BANK1: variants seen among roughly 807,000 people sequenced by gnomAD.
BANK1 encodes the protein B-cell scaffold protein with ankyrin repeats.
A neutral mutation model predicts 94.5 loss-of-function variants in BANK1; 95 were observed. The ratio of observed to expected loss-of-function variants is 1.00; its 90% CI spans 0.85 to 1.19. The LOEUF is 1.19. Ranked by LOEUF, BANK1 falls within the 50% of genes most tolerant of loss-of-function variation. BANK1 has a pLI of 0.00. For missense variants in BANK1, 987 were observed against 932.2 expected, an observed-to-expected ratio of 1.06 and a Z score of -0.77; for synonymous variants, 334 against 308.4, an observed-to-expected ratio of 1.08 and a Z score of -0.87.
intron 5 of BANK1, among the ~76,000 whole-genome samples, chr4:101,871,554 C>T (rs760827462): frequency 7.2e-5 from 11 of 151,890 alleles, no homozygotes; most frequent in African/African-American, 2.2e-4. Context: ...ATTATATGAA[C>T]GACATATTTT....
intron 2 of BANK1, among the ~76,000 whole-genome samples, chr4:101,837,145 G>A (rs1402086621): frequency 6.6e-6 from 1 of 152,100 alleles, no homozygotes; most frequent in Non-Finnish European, 1.5e-5. Flanking sequence ...TTTTAAATTA[G>A]CAGGATTTAA....
At chr4:101,881,528 G>T (rs1396399700) in intron 5 of BANK1, among the ~76,000 whole-genome samples, 3 of 152,064 alleles carry the variant, frequency 2.0e-5, no homozygotes, top group Non-Finnish European at 2.9e-5. Context: ...GAAACTAAAA[G>T]TCAAGCCACC....
intron 2 of BANK1, among the ~76,000 whole-genome samples, chr4:101,839,940 T>A (rs866291673): frequency 0.17 from 2,011 of 11,580 alleles, 41 homozygotes; most frequent in African/African-American, 0.4. Context: ...ATATTTAATT[T>A]TTTTTTTTTT....
chr4:102,058,702 T>TA (rs202223180), intron 11 of BANK1, among the ~76,000 whole-genome samples: 9,502 of 138,600 alleles, frequency 0.069, 789 homozygotes, highest in African/African-American at 0.2. Context: ...TCTTTACTCT[T>TA]AAAAAAAAAA....
intron 2 of BANK1, among the ~76,000 whole-genome samples, chr4:101,848,499 A>G (rs940699400): frequency 6.6e-6 from 1 of 152,142 alleles, no homozygotes; most frequent in African/African-American, 2.4e-5. Context: ...AAAACACTCC[A>G]GTTTCTACAC....
intron 7 of BANK1, among the ~76,000 whole-genome samples, chr4:102,004,750 A>C (rs1446136779): frequency 2.6e-5 from 4 of 152,190 alleles, no homozygotes; most frequent in Non-Finnish European, 5.9e-5. Flanking sequence ...AGGGTCAAGT[A>C]AAAATCATGA....
intron 7 of BANK1, among the ~76,000 whole-genome samples, chr4:101,929,650 T>C (rs1026256824): frequency 2.0e-5 from 3 of 151,560 alleles, no homozygotes; most frequent in African/African-American, 7.3e-5. Context: ...TTTCTACTTA[T>C]TAAGTCAATG....
intron 2 of BANK1, among the ~76,000 whole-genome samples, chr4:101,841,628 TA>T (rs1329402608): frequency 6.6e-6 from 1 of 151,586 alleles, no homozygotes; most frequent in East Asian, 1.9e-4. Flanking sequence ...TTATTATTAT[TA>T]TTATTATTAT....
chr4:101,940,912 G>A (rs150448439), intron 7 of BANK1, among the ~76,000 whole-genome samples: 1 of 151,618 alleles, frequency 6.6e-6, no homozygotes, highest in African/African-American at 2.4e-5. Context: ...TTGGAAGGAC[G>A]TCACTAAGCA....
At chr4:101,970,484 T>A (rs895850793) in intron 7 of BANK1, among the ~76,000 whole-genome samples, 6 of 152,142 alleles carry the variant, frequency 3.9e-5, no homozygotes, top group African/African-American at 1.4e-4. Context: ...TTATTCTGTC[T>A]TTGTCCTATC....
At chr4:101,818,807 T>C (rs1401494674) in intron 1 of BANK1, among the ~76,000 whole-genome samples, 1 of 151,952 alleles carries the variant, frequency 6.6e-6, no homozygotes, top group Non-Finnish European at 1.5e-5. Context: ...CTATGCTATC[T>C]GTAGTTTCAG....
In BANK1 at chr4:102,021,608, TTA is replaced by T. The variant is rs34539828; in HGVS notation, c.1285+28_1285+29del. ...TATATTCCTTGTAAGTTTTTCCATG[TTA>T]TATATATATATGACATATTCATATA... On this transcript the variant is annotated intron_variant, in intron 8 of 16. Coordinates refer to ENST00000322953, the MANE Select transcript of BANK1 (RefSeq NM_017935.5). 520 of 957,678 alleles carry T rather than the reference TTA, an allele frequency of 5.4e-4. No individual in the cohort carries two copies. Among genetic ancestry groups the T allele is most frequent in the South Asian group, 1.2e-3 (67 of 54,210 alleles). 59.3% of individuals were successfully genotyped at this position (957,678 alleles called of 1,614,324 possible).
intron 5 of BANK1, among the ~76,000 whole-genome samples, chr4:101,884,829 T>C (rs1728791158): frequency 6.6e-6 from 1 of 152,230 alleles, no homozygotes; most frequent in Non-Finnish European, 1.5e-5. Context: ...GTCTCCTTAT[T>C]GGTCCTCCAC....
Position 101,948,611 on chromosome 4 carries a change from A to G in BANK1, c.1206+30422A>G, listed in dbSNP as rs562105324. On this transcript the variant is annotated intron_variant, in intron 7 of 16. Coordinates refer to ENST00000322953, the MANE Select transcript of BANK1 (RefSeq NM_017935.5). ...CCCTTTTTCTTCTATCTAAAATGGC[A>G]TTTCAAAATCTGGGAGGTGCTGTGG... 4.3e-4 allele frequency among the ~76,000 whole-genome samples: 65 copies of G among 152,070 alleles called. 1 individual carries two copies. Among genetic ancestry groups the G allele is most frequent in the Non-Finnish European group, 8.1e-4 (55 of 67,998 alleles).
intron 6 of BANK1, among the ~76,000 whole-genome samples, chr4:101,915,563 T>G (rs1722800513): frequency 6.6e-6 from 1 of 152,104 alleles, no homozygotes; most frequent in Admixed American, 6.6e-5. Context: ...ACCAAGTAGA[T>G]GTAAATTCTA....
chr4:101,908,664 A>C (rs2148896415), intron 6 of BANK1, among the ~76,000 whole-genome samples: 1 of 152,340 alleles, frequency 6.6e-6, no homozygotes, highest in South Asian at 2.1e-4. Flanking sequence ...TCATCTGACA[A>C]ACGGTTAATA....
In BANK1 at chr4:102,021,644, A is replaced by AT. The variant is rs777732094; in HGVS notation, c.1285+53dup. 13 of 733,970 alleles carry AT rather than the reference A, an allele frequency of 1.8e-5. No individual in the cohort carries two copies. The South Asian group carries it at 4.8e-4, about 27-fold the overall frequency. 45.5% of individuals were successfully genotyped at this position (733,970 alleles called of 1,614,324 possible). On this transcript the variant is annotated intron_variant, in intron 8 of 16. Coordinates refer to ENST00000322953, the MANE Select transcript of BANK1 (RefSeq NM_017935.5). ...TATGACATATTCATATATATATCAC[A>AT]TATATATGTGACTTATGGAAGATGT...
At chr4:101,882,443 T>G (rs1203272243) in intron 5 of BANK1, among the ~76,000 whole-genome samples, 1 of 152,200 alleles carries the variant, frequency 6.6e-6, no homozygotes, top group African/African-American at 2.4e-5. Flanking sequence ...AATACATTTC[T>G]TTACTGACTT....
At chr4:101,858,090 C>T (rs1263974718) in intron 3 of BANK1, among the ~76,000 whole-genome samples, 1 of 152,130 alleles carries the variant, frequency 6.6e-6, no homozygotes, top group Non-Finnish European at 1.5e-5. Flanking sequence ...TACAACAAAA[C>T]CAGAACTTGA....
Sources: gnomAD v4.1 joint callset for allele counts (sites outside exome capture counted in the v4.1 genomes callset) on GRCh38, gnomAD v4.1.1 for gene constraint, MANE v1.5 for transcripts, NCBI Gene and HGNC (gene_info 2026-07-23, HGNC 2026-07-21) for gene names.